The following KSR1 variants were observed in gnomAD, a reference collection of about 807,000 sequenced individuals.
KSR1 encodes the protein kinase suppressor of ras.
Under a neutral mutation model 92.9 loss-of-function variants are expected in KSR1, and 35 were observed. The observed-to-expected ratio is 0.38, with a 90% CI of 0.29 to 0.50. The LOEUF is 0.50. KSR1 is among the 20% of genes least tolerant of loss of function. The pLI, the probability that KSR1 is intolerant of heterozygous loss-of-function variation, is 0.94. For synonymous variants in KSR1, 467 were observed against 472.6 expected, an observed-to-expected ratio of 0.99 and a Z score of 0.15; for missense variants, 972 against 1,158.5, an observed-to-expected ratio of 0.84 and a Z score of 2.34.
intron 1 of KSR1, among the ~76,000 whole-genome samples, chr17:27,525,230 G>T (rs1567791515): frequency 6.6e-6 from 1 of 152,222 alleles, no homozygotes; most frequent in Non-Finnish European, 1.5e-5. Context: ...ACAGGGCTGT[G>T]TACAGTCAAG....
intron 1 of KSR1, among the ~76,000 whole-genome samples, chr17:27,524,179 G>T (rs1254580500): frequency 1.3e-5 from 2 of 152,048 alleles, no homozygotes; most frequent in African/African-American, 2.4e-5. Flanking sequence ...CTGCTGAGTT[G>T]TCAGAAAGGT....
chr17:27,579,071 C>T (rs533810378), intron 3 of KSR1: 1 of 152,328 alleles, frequency 6.6e-6, no homozygotes, highest in African/African-American at 2.4e-5. Flanking sequence ...GGTTTCTTCT[C>T]TCTCATTTAG....
intron 17 of KSR1, 142 bp downstream of exon 17, chr17:27,610,340 G>A: frequency 8.9e-7 from 1 of 1,127,660 alleles, no homozygotes; most frequent in Non-Finnish European, 1.3e-6. Flanking sequence ...TCCTGGCTCT[G>A]CCGCTTGTTG....
intron 2 of KSR1, among the ~76,000 whole-genome samples, chr17:27,566,035 C>T (rs1314935825): frequency 1.3e-5 from 2 of 152,084 alleles, no homozygotes; most frequent in South Asian, 2.1e-4. Context: ...ACCACTCACC[C>T]GAAGCATGCG....
chr17:27,603,299 G>C (rs115777500), intron 11 of KSR1, among the ~76,000 whole-genome samples: 98 of 152,318 alleles, frequency 6.4e-4, no homozygotes, highest in African/African-American at 2.1e-3. Context: ...CCGAGGGCTC[G>C]GGGCCTCTGT....
chr17:27,594,824 C>T (rs953446467), intron 9 of KSR1, among the ~76,000 whole-genome samples: 18 of 152,114 alleles, frequency 1.2e-4, no homozygotes, highest in African/African-American at 4.3e-4. Flanking sequence ...TCGTTGGCAC[C>T]AAGCACAAAA....
intron 20 of KSR1, 155 bp from the exon 21 acceptor site, chr17:27,623,159 C>A: frequency 1.5e-6 from 1 of 668,448 alleles, no homozygotes; most frequent in Non-Finnish European, 2.7e-6. Context: ...CGCAGTATGA[C>A]CAGGGGCAGC....
At chr17:27,579,855 A>C (rs2072668777) in intron 3 of KSR1, 1 of 136,502 alleles carries the variant, frequency 7.3e-6, no homozygotes, top group African/African-American at 2.7e-5. Flanking sequence ...CAGCCTTGGT[A>C]ACAGAGCCAG....
chr17:27,592,573 G>T lies in KSR1; in HGVS notation c.1246G>T (p.Asp416Tyr). ...SVPSDINNPVDRAAEPHFGTL... is the reference protein window; with the variant it reads ...SVPSDINNPVYRAAEPHFGTL... ...CCCCTCGGACATCAACAACCCGGTGGACAGAGCAGCCGAACCCCATTTTGG... is the reference window on the plus strand; with the variant it reads ...CCCCTCGGACATCAACAACCCGGTGTACAGAGCAGCCGAACCCCATTTTGG... Residue 416 changes from aspartate to tyrosine, a missense_variant, in exon 9 of 21, where the codon GAC (aspartate) becomes TAC (tyrosine). This residue lies in a region of KSR1 where 611 missense variants were observed against 668.0 expected (regional missense o/e 0.91). Coordinates refer to ENST00000644974, the MANE Select transcript of KSR1 (RefSeq NM_001394583.1). 1 of 1,613,984 alleles carries T rather than the reference G, an allele frequency of 6.2e-7. No individual in the cohort carries two copies. Among genetic ancestry groups the T allele is most frequent in the South Asian group, 1.1e-5 (1 of 91,070 alleles).
At chr17:27,510,324 C>T (rs2151000010) in intron 1 of KSR1, among the ~76,000 whole-genome samples, 1 of 146,156 alleles carries the variant, frequency 6.8e-6, no homozygotes, top group South Asian at 2.3e-4. Flanking sequence ...GTCACTTCAC[C>T]TCAATGAGCC....
At chr17:27,578,271 G>GTT (rs1045155240) in intron 3 of KSR1, 4 of 155,258 alleles carry the variant, frequency 2.6e-5, no homozygotes, top group African/African-American at 9.7e-5. Flanking sequence ...ATCAGGCCTG[G>GTT]TTTTTAATTA....
chr17:27,575,346 G>A (rs1195791846), intron 2 of KSR1, among the ~76,000 whole-genome samples: 1 of 152,186 alleles, frequency 6.6e-6, no homozygotes, highest in Non-Finnish European at 1.5e-5. Context: ...ACCATATAGG[G>A]TAACTTCTGG....
intron 1 of KSR1, among the ~76,000 whole-genome samples, chr17:27,524,994 G>A (rs1369192348): frequency 1.3e-5 from 2 of 152,226 alleles, no homozygotes; most frequent in African/African-American, 2.4e-5. Context: ...AGTTGTAAAT[G>A]TCAGAGCATT....
chr17:27,621,970 CCT>C, intron 20 of KSR1: 1 of 1,609,868 alleles, frequency 6.2e-7, no homozygotes, highest in Middle Eastern at 1.7e-4. Flanking sequence ...GGGCTTTCTT[CCT>C]CCTAATCAAC....
chr17:27,504,045 C>T (rs1461708989), intron 1 of KSR1, among the ~76,000 whole-genome samples: 1 of 152,180 alleles, frequency 6.6e-6, no homozygotes, highest in African/African-American at 2.4e-5. Context: ...GATAAAAGCC[C>T]AAGCATCCAG....
intron 2 of KSR1, among the ~76,000 whole-genome samples, chr17:27,571,995 G>A (rs909425529): frequency 5.9e-5 from 9 of 152,182 alleles, no homozygotes; most frequent in East Asian, 3.8e-4. Flanking sequence ...ACCCAGCATG[G>A]CCTGTGACGC....
chr17:27,507,823 C>T (rs1467431856), intron 1 of KSR1, among the ~76,000 whole-genome samples: 3 of 152,066 alleles, frequency 2.0e-5, no homozygotes, highest in African/African-American at 7.2e-5. Context: ...GATCCACCTG[C>T]GTCAGCGTCC....
intron 1 of KSR1, among the ~76,000 whole-genome samples, chr17:27,500,251 G>T (rs2069129936): frequency 6.6e-6 from 1 of 152,170 alleles, no homozygotes; most frequent in African/African-American, 2.4e-5. Flanking sequence ...TGAAACCCTT[G>T]AAGCCTTCCC....
Position 27,503,995 on chromosome 17 carries a change from T to C in KSR1, c.232-46573T>C, listed in dbSNP as rs145340098. On this transcript the variant is annotated intron_variant, in intron 1 of 20. Coordinates refer to ENST00000644974, the MANE Select transcript of KSR1 (RefSeq NM_001394583.1). Reference sequence around the variant, plus strand: ...ACTCTAAGAAGAACAAAACAAGAAGTTGGCATTTGGATTAGGCAGGTGGGT... The same window carrying C: ...ACTCTAAGAAGAACAAAACAAGAAGCTGGCATTTGGATTAGGCAGGTGGGT... 9.2e-5 allele frequency among the ~76,000 whole-genome samples: 14 copies of C among 152,306 alleles called. No individual in the cohort carries two copies. In the East Asian group the frequency reaches 2.3e-3, roughly 25 times the overall value.
Sources: gnomAD v4.1 joint callset for allele counts (sites outside exome capture counted in the v4.1 genomes callset) on GRCh38, gnomAD v4.1.1 for gene constraint, gnomAD v4.1.1 regional missense constraint, MANE v1.5 for transcripts, NCBI Gene and HGNC (gene_info 2026-07-23, HGNC 2026-07-21) for gene names.